The following ZNF609 variants were observed in gnomAD, a reference collection of about 807,000 sequenced individuals.
ZNF609 encodes zinc finger protein 609.
A neutral mutation model predicts 109.5 loss-of-function variants in ZNF609; 11 were observed. The ratio of observed to expected loss-of-function variants is 0.10; its 90% CI spans 0.06 to 0.17. The LOEUF (loss-of-function observed/expected upper bound fraction) is 0.17. Ranked by LOEUF, ZNF609 falls within the 10% of genes least tolerant of loss-of-function variation. The probability of loss-of-function intolerance (pLI) is 1.00; values close to 1 mark genes in which losing one functional copy is unlikely to be tolerated. For missense variants in ZNF609, 1,559 were observed against 1,772.4 expected (o/e 0.88, Z 2.16); for synonymous variants, 646 against 662.0 (o/e 0.98, Z 0.37).
chr15:64,500,351 TC>T (rs1332938812), intron 2 of ZNF609, 185 bp downstream of exon 2: 1 of 853,594 alleles, frequency 1.2e-6, no homozygotes, highest in Non-Finnish European at 1.9e-6. Context: ...CCCTACAGAC[TC>T]ATTTACAGCA....
chr15:64,561,526 A>G (rs1185733810), intron 2 of ZNF609, among the ~76,000 whole-genome samples: 3 of 141,120 alleles, frequency 2.1e-5, no homozygotes, highest in Admixed American at 1.4e-4. Flanking sequence ...CTCTCATAAT[A>G]TTTTTCTTTC....
At chr15:64,628,367 G>A (rs1595744940) in intron 3 of ZNF609, among the ~76,000 whole-genome samples, 1 of 151,618 alleles carries the variant, frequency 6.6e-6, no homozygotes, top group African/African-American at 2.4e-5. Context: ...ACTTAAAAAC[G>A]AACAAGTGGA....
chr15:64,563,224 A>T (rs1894709214), intron 2 of ZNF609, among the ~76,000 whole-genome samples: 1 of 151,982 alleles, frequency 6.6e-6, no homozygotes, highest in South Asian at 2.1e-4. Context: ...CCAAGGTAGG[A>T]GGATCACGTG....
At chr15:64,529,944 G>A (rs375863118) in intron 2 of ZNF609, among the ~76,000 whole-genome samples, 14 of 152,090 alleles carry the variant, frequency 9.2e-5, no homozygotes, top group African/African-American at 3.4e-4. Context: ...TGGTCAGGCT[G>A]GTCTTGAACT....
At chr15:64,628,968 A>G (rs1263633383) in intron 3 of ZNF609, among the ~76,000 whole-genome samples, 3 of 152,114 alleles carry the variant, frequency 2.0e-5, no homozygotes, top group Non-Finnish European at 4.4e-5. Context: ...GATTTCTTCT[A>G]CCACCATTTG....
chr15:64,680,436 C>A, intron 7 of ZNF609, 76 bp downstream of exon 7: 1 of 1,557,532 alleles, frequency 6.4e-7, no homozygotes, highest in Non-Finnish European at 8.8e-7. Context: ...AGAAGGTGGG[C>A]AAGTTCAGGT....
intron 2 of ZNF609, among the ~76,000 whole-genome samples, chr15:64,612,310 G>A (rs545802768): frequency 6.6e-6 from 1 of 151,436 alleles, no homozygotes; most frequent in Non-Finnish European, 1.5e-5. Flanking sequence ...ACCACGCCCG[G>A]TTAATTTTTT....
At chr15:64,618,771 A>C (rs1895837334) in intron 2 of ZNF609, among the ~76,000 whole-genome samples, 1 of 151,754 alleles carries the variant, frequency 6.6e-6, no homozygotes, top group Non-Finnish European at 1.5e-5. Flanking sequence ...TGCTCCTCTC[A>C]ACGCCCTCTC....
Position 64,675,582 on chromosome 15 carries a change from G to T in ZNF609, c.2728G>T (p.Ala910Ser). The T allele has an allele frequency of 6.2e-7, 1 of 1,614,126 alleles. No individual in the cohort carries two copies. The highest frequency in any genetic ancestry group is 8.5e-7 in the Non-Finnish European group (1 of 1,180,032). The stretch of plus-strand genomic sequence containing the variant: ...AAGTTATGCACAGTCCAGCCCTGGG[G>T]CTCTGAACCCCAGCAGCCAGGCAGG... ...SPSYAQSSPG[A>S]LNPSSQAGVE... The change falls in exon 5 of 10, where the codon GCT becomes TCT. Residue 910 changes from alanine to serine, a missense_variant. Physicochemically the swap from Ala to Ser is moderately conservative, Grantham distance 99. Coordinates refer to ENST00000326648, the MANE Select transcript of ZNF609 (RefSeq NM_015042.2).
chr15:64,471,636 T>TG (rs1831245534), intron 1 of ZNF609, among the ~76,000 whole-genome samples: 1 of 152,172 alleles, frequency 6.6e-6, no homozygotes, highest in Admixed American at 6.5e-5. Flanking sequence ...CAGGCTGGAG[T>TG]GCAGTGGCAC....
intron 3 of ZNF609, among the ~76,000 whole-genome samples, chr15:64,666,855 C>T (rs766259303): frequency 1.1e-4 from 17 of 148,988 alleles, no homozygotes; most frequent in Non-Finnish European, 1.5e-4. Context: ...GGGCCAGGCG[C>T]GGTGGCTCAT....
chr15:64,677,032 G>A (rs955211329), intron 5 of ZNF609, among the ~76,000 whole-genome samples: 3 of 151,852 alleles, frequency 2.0e-5, no homozygotes, highest in Admixed American at 6.6e-5. Context: ...GGATTAAGGC[G>A]TGAGCCACTG....
intron 2 of ZNF609, among the ~76,000 whole-genome samples, chr15:64,577,360 T>C (rs573040119): frequency 1.6e-4 from 3 of 18,448 alleles, no homozygotes; most frequent in African/African-American, 2.7e-4. Flanking sequence ...TATATACACA[T>C]ATATGTATAT....
chr15:64,478,658 T>G (rs559420344), intron 1 of ZNF609, among the ~76,000 whole-genome samples: 1 of 152,248 alleles, frequency 6.6e-6, no homozygotes, highest in East Asian at 1.9e-4. Flanking sequence ...GGATTACAAG[T>G]ATGAGCCACC....
At chr15:64,621,693 T>C (rs549503641) in intron 2 of ZNF609, among the ~76,000 whole-genome samples, 2 of 152,186 alleles carry the variant, frequency 1.3e-5, no homozygotes, top group Admixed American at 6.6e-5. Flanking sequence ...TGGGTTGCAT[T>C]CTTCTTGGAA....
chr15:64,586,390 C>G (rs555174265), intron 2 of ZNF609, among the ~76,000 whole-genome samples: 35 of 151,794 alleles, frequency 2.3e-4, no homozygotes, highest in African/African-American at 8.5e-4. Context: ...TCTACTGTGG[C>G]CTTGATAGCT....
chr15:64,474,827 A>G (rs1893143592), intron 1 of ZNF609, among the ~76,000 whole-genome samples: 1 of 152,092 alleles, frequency 6.6e-6, no homozygotes, highest in Non-Finnish European at 1.5e-5. Context: ...AATTTTGATC[A>G]TTTTGCTTCT....
At chr15:64,618,760 A>G (rs1381790504) in intron 2 of ZNF609, among the ~76,000 whole-genome samples, 2 of 151,898 alleles carry the variant, frequency 1.3e-5, no homozygotes, top group Non-Finnish European at 2.9e-5. Context: ...TTCTGCCGGC[A>G]TGCTCCTCTC....
chr15:64,477,001 A>G (rs1030460869), intron 1 of ZNF609, among the ~76,000 whole-genome samples: 2 of 152,092 alleles, frequency 1.3e-5, no homozygotes, highest in Non-Finnish European at 2.9e-5. Flanking sequence ...CTCTCAACAC[A>G]TTAGCTGTGT....
Sources: gnomAD v4.1 joint callset for allele counts (sites outside exome capture counted in the v4.1 genomes callset) on GRCh38, gnomAD v4.1.1 for gene constraint, MANE v1.5 for transcripts, NCBI Gene and HGNC (gene_info 2026-07-23, HGNC 2026-07-21) for gene names.